Variants in CAST observed in about 807,000 individuals in gnomAD.
CAST encodes the protein calpastatin.
A neutral mutation model predicts 119.6 loss-of-function variants in CAST; 76 were observed. The observed-to-expected ratio is 0.64, with a 90% CI of 0.53 to 0.77. The LOEUF (loss-of-function observed/expected upper bound fraction) is 0.77. Among genes scored for constraint, CAST ranks in the 30% least tolerant of loss-of-function variants. The probability of loss-of-function intolerance (pLI) is 0.00; values close to 1 mark genes in which losing one functional copy is unlikely to be tolerated. For synonymous variants in CAST, 319 were observed against 331.6 expected (o/e 0.96, Z 0.41); for missense variants, 953 against 946.5 (o/e 1.01, Z -0.09).
At chr5:96,550,569 C>T (rs145437146) in intron 1 of CAST, among the ~76,000 whole-genome samples, 14 of 152,210 alleles carry the variant, frequency 9.2e-5, no homozygotes, top group African/African-American at 3.4e-4. Context: ...ATGAGTTTGA[C>T]GAGTTGACAG....
In CAST at chr5:96,729,631, A is replaced by G; in HGVS notation, c.455A>G (p.Gln152Arg). 6.4e-7 allele frequency: 1 copy of G among 1,571,962 alleles called. No homozygotes were observed. Among genetic ancestry groups the G allele is most frequent in the Non-Finnish European group, 8.8e-7 (1 of 1,141,880 alleles). ...EHTEPKSLPK[Q>R]ASDTGSNDAH... ...TTTCAGCCAAAAAGCCTACCCAAGCAGGCATCAGATACAGGAAGTAACGAT... is the reference window on the plus strand; with the variant it reads ...TTTCAGCCAAAAAGCCTACCCAAGCGGGCATCAGATACAGGAAGTAACGAT... The change falls in exon 8 of 32, where the codon CAG becomes CGG. Residue 152 changes from glutamine to arginine, a missense_variant. Gln to Arg is a conservative substitution (Grantham distance 43). Transcript: ENST00000675179.
chr5:96,740,882 A>C, intron 13 of CAST, 99 bp downstream of exon 13: 1 of 790,834 alleles, frequency 1.3e-6, no homozygotes, highest in South Asian at 1.5e-5. Context: ...TTATGACTTA[A>C]CTCATCTCCA....
the CAST span, among the ~76,000 whole-genome samples, chr5:96,302,269 G>A: frequency 2.0e-5 from 3 of 152,142 alleles, no homozygotes; most frequent in South Asian, 2.1e-4. Flanking sequence ...GAACAGCAGG[G>A]CACTGGGCCT....
At chr5:96,408,231 C>G in the CAST span, 30 of 1,612,770 alleles carry the variant, frequency 1.9e-5, no homozygotes, top group South Asian at 2.9e-4. Context: ...ACTTTGCTTC[C>G]AGGGCCAGAG....
intron 3 of CAST, among the ~76,000 whole-genome samples, chr5:96,705,836 T>A (rs1314676696): frequency 6.6e-6 from 1 of 152,182 alleles, no homozygotes; most frequent in Non-Finnish European, 1.5e-5. Flanking sequence ...TATGCTCGTT[T>A]TACAGATTAA....
At chr5:96,748,256 C>T (rs930242105) in intron 18 of CAST, among the ~76,000 whole-genome samples, 3 of 152,140 alleles carry the variant, frequency 2.0e-5, no homozygotes, top group Non-Finnish European at 4.4e-5. Flanking sequence ...CAAAATTCTT[C>T]TGAAACTGAA....
intron 30 of CAST, 53 bp downstream of exon 30, chr5:96,770,655 GGGT>G: frequency 8.3e-7 from 1 of 1,200,978 alleles, no homozygotes; most frequent in Middle Eastern, 1.9e-4. Flanking sequence ...ACACAGAGTA[GGGT>G]TTATCATTTC....
the CAST span, among the ~76,000 whole-genome samples, chr5:96,130,765 A>T: frequency 6.6e-6 from 1 of 152,226 alleles, no homozygotes; most frequent in Admixed American, 6.5e-5. Context: ...CCAAATGACC[A>T]TAAAATTTAA....
At chr5:96,066,394 CT>C in the CAST span, among the ~76,000 whole-genome samples, 90,277 of 144,964 alleles carry the variant, frequency 0.62, 27,804 homozygotes, top group African/African-American at 0.66. Flanking sequence ...CTCTAACAAC[CT>C]TTTTTTTTTT....
the CAST span, among the ~76,000 whole-genome samples, chr5:96,258,282 C>T: frequency 6.6e-6 from 1 of 152,100 alleles, no homozygotes; most frequent in Non-Finnish European, 1.5e-5. Flanking sequence ...GTCTGTTGCT[C>T]ACTGTTTCAG....
At chr5:96,351,943 T>A in the CAST span, among the ~76,000 whole-genome samples, 1 of 152,168 alleles carries the variant, frequency 6.6e-6, no homozygotes, top group African/African-American at 2.4e-5. Flanking sequence ...TGCCTTTAAT[T>A]GCAGAGACCA....
chr5:96,018,934 C>A, the CAST span, among the ~76,000 whole-genome samples: 1 of 152,148 alleles, frequency 6.6e-6, no homozygotes, highest in Non-Finnish European at 1.5e-5. Flanking sequence ...ATCATTCATA[C>A]GTTTCCAGTG....
chr5:96,739,301 G>T (rs1762239361), intron 11 of CAST, among the ~76,000 whole-genome samples: 1 of 152,172 alleles, frequency 6.6e-6, no homozygotes, highest in Admixed American at 6.5e-5. Flanking sequence ...TGTGTGCAAG[G>T]AGTTATAAGA....
chr5:96,746,370 A>T lies in CAST; in HGVS notation c.1229A>T (p.Lys410Met), dbSNP rs1410224991. The change falls in exon 17 of 32, where the codon AAG (lysine) becomes ATG (methionine). Residue 410 changes from lysine to methionine, a missense_variant. Physicochemically the swap from Lys to Met is moderately conservative, Grantham distance 95. Transcript: ENST00000675179. ...AAAGCTAAAGAAGAAAAACTAGAGA[A>T]GTGTGGTGAGGATGATGAAACAATC... ...EAKAKEEKLE[K>M]CGEDDETIPS... 1 of 1,612,452 alleles carries T rather than the reference A, an allele frequency of 6.2e-7. No homozygotes were observed. The highest frequency in any genetic ancestry group is 1.1e-5 in the South Asian group (1 of 91,058).
At chr5:96,316,165 C>T in the CAST span, among the ~76,000 whole-genome samples, 2 of 152,196 alleles carry the variant, frequency 1.3e-5, no homozygotes, top group South Asian at 4.1e-4. Flanking sequence ...TGAATATAAA[C>T]AGAAGTTTCC....
At chr5:96,393,281 C>T in the CAST span, 1 of 1,613,984 alleles carries the variant, frequency 6.2e-7, no homozygotes. Context: ...GGAAGGGGCT[C>T]CCTCCTCCAA....
At chr5:96,192,952 G>GTTGT in the CAST span, among the ~76,000 whole-genome samples, 113,728 of 151,552 alleles carry the variant, frequency 0.75, 42,893 homozygotes, top group East Asian at 0.84. Flanking sequence ...GATTTTTAGG[G>GTTGT]TTATTAACAT....
At chr5:96,656,737 G>A (rs921135771) in intron 1 of CAST, among the ~76,000 whole-genome samples, 1 of 152,138 alleles carries the variant, frequency 6.6e-6, no homozygotes, top group Admixed American at 6.5e-5. Flanking sequence ...ATAGAGCAAT[G>A]GGGAGCCATG....
At chr5:96,757,685 TAG>T in intron 24 of CAST, 31 bp downstream of exon 24, 11 of 1,442,030 alleles carry the variant, frequency 7.6e-6, no homozygotes, top group Middle Eastern at 1.8e-4. Context: ...TTTATTTCTT[TAG>T]TTTTTTTTTT....
Sources: allele counts gnomAD v4.1 joint callset (sites outside exome capture counted in the v4.1 genomes callset), GRCh38; gene constraint gnomAD v4.1.1; transcripts MANE v1.5; gene names NCBI Gene and HGNC (gene_info 2026-07-23, HGNC 2026-07-21).